SLC35F1: variants seen among roughly 807,000 people sequenced by gnomAD.
SLC35F1 encodes the protein chromosome 6 open reading frame 169.
Under a neutral mutation model 48.7 loss-of-function variants are expected in SLC35F1, and 14 were observed. The ratio of observed to expected loss-of-function variants is 0.29; its 90% CI spans 0.19 to 0.45. The LOEUF is 0.45. Ranked by LOEUF, SLC35F1 falls within the 20% of genes least tolerant of loss-of-function variation. The pLI is 1.00. For missense variants in SLC35F1, 404 were observed against 500.0 expected, an observed-to-expected ratio of 0.81 and a Z score of 1.83; for synonymous variants, 190 against 202.2, an observed-to-expected ratio of 0.94 and a Z score of 0.51.
chr6:118,261,030 T>C (rs1775705674), intron 3 of SLC35F1, among the ~76,000 whole-genome samples: 1 of 152,134 alleles, frequency 6.6e-6, no homozygotes, highest in Admixed American at 6.5e-5. Context: ...GATGATGCAA[T>C]ATTTTTGACC....
intron 3 of SLC35F1, among the ~76,000 whole-genome samples, chr6:118,242,105 G>A (rs1417115875): frequency 6.6e-6 from 1 of 152,106 alleles, no homozygotes; most frequent in Non-Finnish European, 1.5e-5. Flanking sequence ...GCAATAGCTG[G>A]GTCATATGGT....
intron 1 of SLC35F1, among the ~76,000 whole-genome samples, chr6:118,094,805 T>C (rs537961108): frequency 1.7e-3 from 257 of 152,028 alleles, no homozygotes; most frequent in African/African-American, 6.0e-3. Context: ...CTGTCTCTAC[T>C]AAAAATACAA....
chr6:118,025,069 A>T (rs1328315180), intron 1 of SLC35F1, among the ~76,000 whole-genome samples: 1 of 152,234 alleles, frequency 6.6e-6, no homozygotes, highest in East Asian at 1.9e-4. Flanking sequence ...TTGAACCAAT[A>T]ATGATACACT....
intron 1 of SLC35F1, among the ~76,000 whole-genome samples, chr6:118,057,160 G>A (rs993041352): frequency 5.1e-4 from 78 of 152,236 alleles, no homozygotes; most frequent in African/African-American, 1.6e-3. Context: ...GCCATATCAC[G>A]TGAGCCATTT....
At chr6:118,049,123 C>G (rs1363753114) in intron 1 of SLC35F1, among the ~76,000 whole-genome samples, 1 of 152,170 alleles carries the variant, frequency 6.6e-6, no homozygotes, top group African/African-American at 2.4e-5. Flanking sequence ...AAAGGATTCC[C>G]TATTTAATAA....
At position 117,956,523 on chromosome 6, in the gene SLC35F1, A is replaced by T. The variant is rs1411177167; in HGVS notation, c.173+48624A>T. ...CTGCTTTACTAGGCAACGCGGGGAC[A>T]GTGCCTGGAATCTAGTCAGTTCATT... On this transcript the variant is annotated intron_variant, in intron 1 of 7. Transcript: ENST00000360388. Among the ~76,000 whole-genome samples the T allele has an allele frequency of 3.9e-5, 6 of 152,344 alleles. No individual in the cohort carries two copies. In the South Asian group the frequency reaches 1.0e-3, roughly 26 times the overall value.
chr6:118,282,840 C>T (rs1776000124), intron 6 of SLC35F1, among the ~76,000 whole-genome samples: 2 of 152,190 alleles, frequency 1.3e-5, no homozygotes, highest in Admixed American at 6.5e-5. Context: ...ACTGCCGTTT[C>T]GAGCAAAACC....
chr6:118,101,994 A>C lies in SLC35F1; in HGVS notation c.174-52451A>C, dbSNP rs550242306. Among the ~76,000 whole-genome samples, 4 of 152,264 alleles carry C rather than the reference A, an allele frequency of 2.6e-5. No homozygotes were observed. In the East Asian group the frequency reaches 7.7e-4, roughly 29 times the overall value. On this transcript the variant is annotated intron_variant, in intron 1 of 7. Transcript: ENST00000360388. ...ACGTCTGAGTACCCTGGATGTTTGC[A>C]AGATTGACTGGTTTTGCCTTCTCAG...
intron 7 of SLC35F1, among the ~76,000 whole-genome samples, chr6:118,300,419 T>C (rs1418083099): frequency 2.0e-5 from 3 of 152,244 alleles, no homozygotes; most frequent in African/African-American, 7.2e-5. Context: ...TTGTATTTCA[T>C]GTTCTTCACA....
intron 1 of SLC35F1, among the ~76,000 whole-genome samples, chr6:118,039,286 TC>T (rs1177928378): frequency 6.6e-6 from 1 of 152,140 alleles, no homozygotes; most frequent in African/African-American, 2.4e-5. Flanking sequence ...GATTTTTTTT[TC>T]TTTACGTTTA....
chr6:118,130,783 A>G (rs1773698572), intron 1 of SLC35F1, among the ~76,000 whole-genome samples: 1 of 152,082 alleles, frequency 6.6e-6, no homozygotes, highest in Non-Finnish European at 1.5e-5. Flanking sequence ...ATACTGTCCT[A>G]CAGTAAGACA....
At chr6:118,049,026 A>G (rs1323801211) in intron 1 of SLC35F1, among the ~76,000 whole-genome samples, 1 of 152,194 alleles carries the variant, frequency 6.6e-6, no homozygotes, top group African/African-American at 2.4e-5. Flanking sequence ...ATATAGATCA[A>G]TGGAACAGAA....
chr6:118,029,324 A>G (rs186148523), intron 1 of SLC35F1, among the ~76,000 whole-genome samples: 6 of 152,244 alleles, frequency 3.9e-5, no homozygotes, highest in Admixed American at 3.3e-4. Flanking sequence ...CCCACAGTCT[A>G]CCATGGTTGT....
intron 5 of SLC35F1, among the ~76,000 whole-genome samples, chr6:118,276,169 G>T (rs1172800946): frequency 6.6e-6 from 1 of 152,112 alleles, no homozygotes; most frequent in African/African-American, 2.4e-5. Context: ...AAAGTCAAAA[G>T]CACCAGTTTT....
intron 1 of SLC35F1, among the ~76,000 whole-genome samples, chr6:118,125,336 A>C (rs1773608187): frequency 6.8e-6 from 1 of 147,746 alleles, no homozygotes; most frequent in African/African-American, 2.5e-5. Context: ...GTACATAGAC[A>C]AAATTGTGAA....
At chr6:117,999,460 A>G (rs1303269293) in intron 1 of SLC35F1, 17 of 1,569,424 alleles carry the variant, frequency 1.1e-5, no homozygotes, top group Non-Finnish European at 7.7e-6. Flanking sequence ...TATCTCTGCC[A>G]ACATGAGGAC....
intron 3 of SLC35F1, among the ~76,000 whole-genome samples, chr6:118,261,667 A>G (rs955033606): frequency 1.3e-5 from 2 of 152,114 alleles, no homozygotes; most frequent in African/African-American, 4.8e-5. Context: ...ATGACTTCCA[A>G]GGGGGTTTTG....
chr6:118,025,556 C>T lies in SLC35F1; in HGVS notation c.173+117657C>T, dbSNP rs73766416. Among the ~76,000 whole-genome samples, 1,207 of 152,220 alleles carry T rather than the reference C, an allele frequency of 7.9e-3. 19 individuals are homozygous for T. The highest frequency in any genetic ancestry group is 0.028 in the African/African-American group (1,169 of 41,522). ...CACAATTGAGTGGGGAGTGATGTTC[C>T]ATCTCCTTGAGGGATGATTATCTGT... On this transcript the variant is annotated intron_variant, in intron 1 of 7. Coordinates refer to ENST00000360388, the MANE Select transcript of SLC35F1 (RefSeq NM_001029858.4).
At chr6:117,999,062 G>T in intron 1 of SLC35F1, 5 of 1,507,130 alleles carry the variant, frequency 3.3e-6, no homozygotes, top group Non-Finnish European at 4.6e-6. Context: ...ACAAAGATAC[G>T]AATCTCTTAA....
Sources: gnomAD v4.1 joint callset for allele counts (sites outside exome capture counted in the v4.1 genomes callset) on GRCh38, gnomAD v4.1.1 for gene constraint, MANE v1.5 for transcripts, NCBI Gene and HGNC (gene_info 2026-07-23, HGNC 2026-07-21) for gene names.